Variants in CNTNAP5 observed in about 807,000 individuals in gnomAD.
The protein encoded by CNTNAP5 is contactin-associated protein-like 5.
CNTNAP5 carries 72 observed loss-of-function variants against 150.2 expected under a neutral mutation model. The ratio of observed to expected loss-of-function variants is 0.48; its 90% CI spans 0.40 to 0.58. The LOEUF is 0.58. Ranked by LOEUF, CNTNAP5 falls within the 20% of genes least tolerant of loss-of-function variation. The pLI is 0.00. For missense variants in CNTNAP5, 1,636 were observed against 1,626.2 expected, an observed-to-expected ratio of 1.01 and a Z score of -0.10; for synonymous variants, 672 against 619.8, an observed-to-expected ratio of 1.08 and a Z score of -1.25.
chr2:124,196,310 T>C (rs1432340610), intron 1 of CNTNAP5, among the ~76,000 whole-genome samples: 1 of 152,172 alleles, frequency 6.6e-6, no homozygotes, highest in Non-Finnish European at 1.5e-5. Context: ...GGATCTTCAC[T>C]TCACAGCTAC....
intron 6 of CNTNAP5, among the ~76,000 whole-genome samples, chr2:124,461,492 A>G (rs1693250382): frequency 7.4e-6 from 1 of 134,594 alleles, no homozygotes; most frequent in Non-Finnish European, 1.5e-5. Flanking sequence ...ACACACGAAC[A>G]CAGGAAGGGG....
intron 10 of CNTNAP5, among the ~76,000 whole-genome samples, chr2:124,535,247 C>A (rs539041074): frequency 4.6e-5 from 7 of 152,264 alleles, no homozygotes; most frequent in Non-Finnish European, 1.0e-4. Flanking sequence ...ATGGAGGCCA[C>A]ACAGAGGGAG....
intron 3 of CNTNAP5, among the ~76,000 whole-genome samples, chr2:124,296,135 T>C (rs546761610): frequency 2.6e-5 from 4 of 152,186 alleles, no homozygotes; most frequent in Non-Finnish European, 4.4e-5. Flanking sequence ...GCTATTCACT[T>C]GATTATAGTG....
At chr2:124,751,554 T>C (rs13003204) in intron 14 of CNTNAP5, among the ~76,000 whole-genome samples, 46,254 of 152,224 alleles carry the variant, frequency 0.3, 8,466 homozygotes, top group Non-Finnish European at 0.43. Flanking sequence ...CTAACACACT[T>C]GTGAAATAGT....
chr2:124,133,501 A>G (rs1206324656), intron 1 of CNTNAP5, among the ~76,000 whole-genome samples: 3 of 152,098 alleles, frequency 2.0e-5, no homozygotes, highest in Admixed American at 2.0e-4. Context: ...GGCATGTGTC[A>G]TTCTTTCTAT....
chr2:124,029,443 T>C (rs944270443), intron 1 of CNTNAP5, among the ~76,000 whole-genome samples: 4 of 152,050 alleles, frequency 2.6e-5, no homozygotes, highest in Non-Finnish European at 2.9e-5. Context: ...ACAGTACCTA[T>C]GAGCTCTTTT....
At chr2:124,292,847 C>T (rs980686909) in intron 3 of CNTNAP5, among the ~76,000 whole-genome samples, 1 of 151,766 alleles carries the variant, frequency 6.6e-6, no homozygotes, top group African/African-American at 2.4e-5. Context: ...ACAAAGAAGC[C>T]GCAGGTAGTT....
chr2:124,637,486 G>A (rs753729034), intron 12 of CNTNAP5, among the ~76,000 whole-genome samples: 2 of 152,186 alleles, frequency 1.3e-5, no homozygotes, highest in Non-Finnish European at 2.9e-5. Flanking sequence ...CGATACTGGG[G>A]ATGCTTCTCG....
intron 6 of CNTNAP5, among the ~76,000 whole-genome samples, chr2:124,471,802 C>T (rs916865248): frequency 2.6e-5 from 4 of 151,956 alleles, no homozygotes; most frequent in Non-Finnish European, 5.9e-5. Context: ...AAAGGCCTTT[C>T]CTGCATCTAC....
chr2:124,101,244 C>A (rs1221436293), intron 1 of CNTNAP5, among the ~76,000 whole-genome samples: 1 of 152,100 alleles, frequency 6.6e-6, no homozygotes, highest in African/African-American at 2.4e-5. Flanking sequence ...TTCCTTATAA[C>A]AAAATATGCC....
chr2:124,596,034 T>G (rs1188499673), intron 11 of CNTNAP5, among the ~76,000 whole-genome samples: 3 of 116,912 alleles, frequency 2.6e-5, no homozygotes, highest in Non-Finnish European at 3.5e-5. Context: ...TCTCTTTTTT[T>G]CTTTATTAGT....
intron 21 of CNTNAP5, among the ~76,000 whole-genome samples, chr2:124,894,666 G>A (rs563169390): frequency 6.6e-5 from 10 of 150,512 alleles, no homozygotes; most frequent in South Asian, 4.2e-4. Context: ...TGATCCTCCC[G>A]CCTCAGCCAA....
chr2:124,455,547 C>T (rs1282960722), intron 6 of CNTNAP5, among the ~76,000 whole-genome samples: 2 of 151,920 alleles, frequency 1.3e-5, no homozygotes, highest in South Asian at 2.1e-4. Context: ...AAAGAGAGAA[C>T]CCTCCCTAAG....
chr2:124,469,797 C>T lies in CNTNAP5; in HGVS notation c.919-4942C>T, dbSNP rs921142598. Among the ~76,000 whole-genome samples, 3 of 152,244 alleles carry T rather than the reference C, an allele frequency of 2.0e-5. No individual in the cohort carries two copies. The South Asian group carries it at 6.2e-4, about 32-fold the overall frequency. ...GTGCCCATGTGTTCTCATCATTCAGCTCCCAATTATAAGTGAGAACATACA... is the reference window on the plus strand; with the variant it reads ...GTGCCCATGTGTTCTCATCATTCAGTTCCCAATTATAAGTGAGAACATACA... On this transcript the variant is annotated intron_variant, in intron 6 of 23. Coordinates refer to ENST00000682447, the MANE Select transcript of CNTNAP5 (RefSeq NM_001367498.1).
chr2:124,572,620 G>T (rs1486524253), intron 11 of CNTNAP5, among the ~76,000 whole-genome samples: 1 of 152,138 alleles, frequency 6.6e-6, no homozygotes, highest in Non-Finnish European at 1.5e-5. Flanking sequence ...GATGTTTGGG[G>T]TTCACCCAGT....
intron 1 of CNTNAP5, among the ~76,000 whole-genome samples, chr2:124,087,304 C>A (rs2104682120): frequency 6.6e-6 from 1 of 151,854 alleles, no homozygotes; most frequent in East Asian, 1.9e-4. Flanking sequence ...TTCCAAAGTT[C>A]CTTCTTTTAT....
intron 19 of CNTNAP5, among the ~76,000 whole-genome samples, chr2:124,815,343 G>A (rs1014735430): frequency 1.3e-5 from 2 of 152,252 alleles, no homozygotes; most frequent in East Asian, 1.9e-4. Context: ...TCTTTGTGCC[G>A]GCAGTTTAAT....
intron 12 of CNTNAP5, among the ~76,000 whole-genome samples, chr2:124,640,008 T>C (rs977807426): frequency 6.6e-5 from 10 of 152,096 alleles, no homozygotes; most frequent in Admixed American, 1.3e-4. Context: ...TAGAACCAGC[T>C]GTGAACTCCC....
intron 1 of CNTNAP5, among the ~76,000 whole-genome samples, chr2:124,189,899 G>A (rs974923081): frequency 3.9e-5 from 6 of 152,140 alleles, no homozygotes; most frequent in Admixed American, 2.0e-4. Context: ...ATGGTACTGC[G>A]GAGCAGAGCA....
Sources: gnomAD v4.1 joint callset for allele counts (sites outside exome capture counted in the v4.1 genomes callset) on GRCh38, gnomAD v4.1.1 for gene constraint, MANE v1.5 for transcripts, NCBI Gene and HGNC (gene_info 2026-07-23, HGNC 2026-07-21) for gene names.